The following ZNF208 variants were observed in gnomAD, a reference collection of about 807,000 sequenced individuals.
The protein encoded by ZNF208 is zinc finger protein 208.
In ZNF208, 10 loss-of-function variants were observed where a neutral mutation model predicts 12.1. That is an observed-to-expected ratio of 0.83 (90% CI 0.51 to 1.40). The LOEUF (loss-of-function observed/expected upper bound fraction) is 1.40. Among genes scored for constraint, ZNF208 ranks in the 40% most tolerant of loss-of-function variants. The probability of loss-of-function intolerance (pLI) is 0.00; values close to 1 mark genes in which losing one functional copy is unlikely to be tolerated. For missense variants in ZNF208, 1,652 were observed against 1,485.0 expected (o/e 1.11, Z -1.85); for synonymous variants, 497 against 488.4 (o/e 1.02, Z -0.23).
intron 3 of ZNF208, among the ~76,000 whole-genome samples, chr19:21,982,104 T>C (rs1335335846): frequency 6.6e-6 from 1 of 152,034 alleles, no homozygotes; most frequent in Non-Finnish European, 1.5e-5. Flanking sequence ...ACGTCTGTAA[T>C]CCCACCATTT....
intron 1 of ZNF208, among the ~76,000 whole-genome samples, chr19:21,989,840 T>C (rs1357271815): frequency 6.6e-6 from 1 of 152,228 alleles, no homozygotes; most frequent in Non-Finnish European, 1.5e-5. Context: ...CCAGTGATGA[T>C]GAGCATTTTT....
rs775186323 is a variant in ZNF208, at chr19:21,972,867, A to G, written c.2167T>C (p.Cys723Arg). 6.2e-6 allele frequency: 10 copies of G among 1,613,106 alleles called. No individual in the cohort carries two copies. Among genetic ancestry groups the G allele is most frequent in the East Asian group, 2.2e-5 (1 of 44,836 alleles). The change falls in exon 4 of 4, where the codon TGT (cysteine) becomes CGT (arginine). Residue 723 changes from cysteine (C) to arginine (R), a missense_variant. Transcript: ENST00000397126. ...CTAAAGCTTTTGCCACATTCTTCAC[A>G]TTTGTAGGGTTTCTCTCCAGTATGA... is the stretch of plus-strand genomic sequence containing the variant. ...RIHTGEKPYK[C>R]EECGKSFSTF...
intron 4 of ZNF208, among the ~76,000 whole-genome samples, chr19:21,954,328 G>A (rs1211195833): frequency 6.6e-6 from 1 of 152,224 alleles, no homozygotes; most frequent in Non-Finnish European, 1.5e-5. Flanking sequence ...GGGGTAGAGA[G>A]TTCTGTAGAT....
chr19:21,998,242 C>G (rs912318733), intron 1 of ZNF208: 1 of 148,794 alleles, frequency 6.7e-6, no homozygotes, highest in Non-Finnish European at 1.5e-5. Flanking sequence ...GTAAGCTCTG[C>G]CTTCTGGGTT....
downstream of ZNF208, among the ~76,000 whole-genome samples, chr19:21,962,883 A>AT (rs1205190380): frequency 6.6e-6 from 1 of 152,152 alleles, no homozygotes; most frequent in Non-Finnish European, 1.5e-5. Flanking sequence ...AGAAAAAGGA[A>AT]TATTATCTGA....
At position 21,968,506 on chromosome 19, in the gene ZNF208, TCA is replaced by T. The variant is rs1227610697; in HGVS notation, c.*2683_*2684del. 1 of 152,144 alleles carries T rather than the reference TCA, an allele frequency of 6.6e-6. No individual in the cohort carries two copies. 9.4% of individuals were successfully genotyped at this position (152,144 alleles called of 1,614,324 possible). A position where few individuals can be genotyped will look rare whatever the true frequency, so the allele number is the denominator to read the frequency against. On this transcript the variant is annotated 3_prime_UTR_variant, in exon 4 of 4. Transcript: ENST00000397126. Reference sequence around the variant, plus strand: ...TGAATCACACTTATTGACTTCCATATCATGAAACACCTTCATATATATGGAAA... The same window carrying T: ...TGAATCACACTTATTGACTTCCATATTGAAACACCTTCATATATATGGAAA...
intron 4 of ZNF208, among the ~76,000 whole-genome samples, chr19:21,956,207 C>T (rs1969972975): frequency 6.6e-6 from 1 of 152,172 alleles, no homozygotes; most frequent in African/African-American, 2.4e-5. Flanking sequence ...AGCTTCATCT[C>T]AGAGGGGCAC....
chr19:21,952,405 A>G (rs1191575637), intron 4 of ZNF208, among the ~76,000 whole-genome samples: 1 of 152,208 alleles, frequency 6.6e-6, no homozygotes, highest in Non-Finnish European at 1.5e-5. Flanking sequence ...GTAGAGGCCG[A>G]CAGATACCTC....
At chr19:21,986,742 A>G (rs1008576568) in intron 3 of ZNF208, 6 of 296,072 alleles carry the variant, frequency 2.0e-5, no homozygotes, top group African/African-American at 1.3e-4. Context: ...TTATAATTTC[A>G]AACTATATTT....
At chr19:22,003,932 G>A (rs1970999884) in intron 1 of ZNF208, among the ~76,000 whole-genome samples, 1 of 151,968 alleles carries the variant, frequency 6.6e-6, no homozygotes, top group Non-Finnish European at 1.5e-5. Flanking sequence ...CACTTCGGGG[G>A]ATGAGCTAGG....
intron 3 of ZNF208, among the ~76,000 whole-genome samples, chr19:21,980,096 A>T (rs1970508178): frequency 6.6e-6 from 1 of 152,138 alleles, no homozygotes; most frequent in South Asian, 2.1e-4. Context: ...ACAGACCTAC[A>T]AAGAGACTTA....
At chr19:21,978,010 A>C (rs1970464688) in intron 3 of ZNF208, among the ~76,000 whole-genome samples, 1 of 152,094 alleles carries the variant, frequency 6.6e-6, no homozygotes, top group South Asian at 2.1e-4. Context: ...GCAAGACCAG[A>C]CTGTATCTCA....
intron 1 of ZNF208, among the ~76,000 whole-genome samples, chr19:22,005,812 G>A (rs1356431414): frequency 6.6e-6 from 1 of 152,276 alleles, no homozygotes; most frequent in East Asian, 1.9e-4. Flanking sequence ...ACCAAGAAAA[G>A]AGGTGGGAAA....
At chr19:22,001,663 G>A (rs1225536043) in intron 1 of ZNF208, among the ~76,000 whole-genome samples, 1 of 151,864 alleles carries the variant, frequency 6.6e-6, no homozygotes, top group Non-Finnish European at 1.5e-5. Context: ...GCCAAGGTGG[G>A]CCAATTTCCT....
chr19:21,962,054 A>G (rs562373554), downstream of ZNF208, among the ~76,000 whole-genome samples: 1 of 152,342 alleles, frequency 6.6e-6, no homozygotes, highest in East Asian at 1.9e-4. Context: ...AATGTCCATG[A>G]AATCTTCACA....
chr19:21,985,940 G>A (rs1372391047), intron 3 of ZNF208, among the ~76,000 whole-genome samples: 1 of 152,146 alleles, frequency 6.6e-6, no homozygotes, highest in South Asian at 2.1e-4. Context: ...GCAAAGTCCT[G>A]AGGGATATTT....
chr19:21,981,947 A>G (rs1471369726), intron 3 of ZNF208, among the ~76,000 whole-genome samples: 2 of 152,212 alleles, frequency 1.3e-5, no homozygotes, highest in East Asian at 1.9e-4. Context: ...CCCATTCACA[A>G]TTGCTACAAA....
At chr19:21,992,753 C>T (rs1309263112) in intron 1 of ZNF208, among the ~76,000 whole-genome samples, 1 of 152,086 alleles carries the variant, frequency 6.6e-6, no homozygotes, top group Non-Finnish European at 1.5e-5. Flanking sequence ...CTCTGGTATA[C>T]AGAAAAAATA....
chr19:21,979,856 G>A (rs563133290), intron 3 of ZNF208, among the ~76,000 whole-genome samples: 1 of 152,198 alleles, frequency 6.6e-6, no homozygotes, highest in Admixed American at 6.5e-5. Flanking sequence ...GACACATATA[G>A]GCTCAAAATA....
Sources: allele counts gnomAD v4.1 joint callset (sites outside exome capture counted in the v4.1 genomes callset), GRCh38; gene constraint gnomAD v4.1.1; transcripts MANE v1.5; gene names NCBI Gene and HGNC (gene_info 2026-07-23, HGNC 2026-07-21).